The following ANKS6 variants were observed in gnomAD, a reference collection of about 807,000 sequenced individuals.
ANKS6 encodes ankyrin repeat and sterile alpha motif domain containing 6.
ANKS6 carries 47 observed loss-of-function variants against 77.9 expected under a neutral mutation model. The observed-to-expected ratio is 0.60, with a 90% confidence interval of 0.48 to 0.77. The LOEUF is 0.77. ANKS6 is among the 30% of genes least tolerant of loss of function. The pLI is 0.00. For missense variants in ANKS6, 1,150 were observed against 1,159.1 expected, an observed-to-expected ratio of 0.99 and a Z score of 0.11; for synonymous variants, 488 against 501.7, an observed-to-expected ratio of 0.97 and a Z score of 0.37.
chr9:98,784,004 T>C lies in ANKS6; in HGVS notation c.1061A>G (p.Lys354Arg), dbSNP rs778186861. 1.2e-6 allele frequency: 2 copies of C among 1,610,530 alleles called. No individual in the cohort carries two copies. The highest frequency in any genetic ancestry group is 2.2e-5 in the East Asian group (1 of 44,766). The stretch of plus-strand genomic sequence containing the variant: ...CGTCCAGCCATGCACGCTGTCCTGC[T>C]TGTCAACATCCGCGTGCCTCTCCAC... ...LLVERHADVDKQDSVHGWTAL... is the reference protein window; with the variant it reads ...LLVERHADVDRQDSVHGWTAL... The change falls in exon 4 of 15, where the codon AAG (lysine) becomes AGG (arginine). Residue 354 changes from lysine to arginine, a missense_variant. Coordinates refer to ENST00000353234, the MANE Select transcript of ANKS6 (RefSeq NM_173551.5).
chr9:98,765,371 C>T (rs900083099), intron 11 of ANKS6, among the ~76,000 whole-genome samples: 2 of 152,112 alleles, frequency 1.3e-5, no homozygotes, highest in African/African-American at 4.8e-5. Context: ...TCATCTCTAC[C>T]CCTCCCTCTG....
intron 12 of ANKS6, among the ~76,000 whole-genome samples, chr9:98,752,641 C>T (rs7035622): frequency 0.012 from 1,778 of 152,264 alleles, 34 homozygotes; most frequent in African/African-American, 0.041. Context: ...GAGGTAGATC[C>T]TATTACTGTC....
intron 11 of ANKS6, among the ~76,000 whole-genome samples, chr9:98,761,636 A>G (rs1833014333): frequency 1.3e-5 from 2 of 152,128 alleles, no homozygotes; most frequent in African/African-American, 4.8e-5. Context: ...TTCTTGCAAT[A>G]TGGACATCCA....
chr9:98,756,515 T>C lies in ANKS6; in HGVS notation c.2231A>G (p.Lys744Arg), dbSNP rs765852729. Residue 744 changes from lysine (K) to arginine (R), a missense_variant, in exon 12 of 15, where the codon AAA (lysine) becomes AGA (arginine). By Grantham distance (26) the Lys-to-Arg change is conservative (BLOSUM62 2). Transcript: ENST00000353234. ...SPTLTPSPSP[K>R]GHTAESSVSS... ...CACTGAGGACTCTGCAGTGTGCCCT[T>C]TGGGTGAGGGGGAGGGCGTGAGGGT... 1 of 1,610,080 alleles carries C rather than the reference T, an allele frequency of 6.2e-7. No homozygotes were observed. Among genetic ancestry groups the C allele is most frequent in the South Asian group, 1.1e-5 (1 of 90,542 alleles).
intron 13 of ANKS6, among the ~76,000 whole-genome samples, chr9:98,749,496 T>C (rs1035211083): frequency 3.9e-5 from 6 of 152,052 alleles, no homozygotes; most frequent in African/African-American, 1.5e-4. Context: ...CTCTGAACGA[T>C]GAAGGACAGG....
In ANKS6 at chr9:98,791,198, G is replaced by A. The variant is rs1834885696; in HGVS notation, c.360-592C>T. On this transcript the variant is annotated intron_variant, in intron 1 of 14. Transcript: ENST00000353234. The surrounding 1 kb of genome is among the most constrained non-coding windows in gnomAD (Gnocchi z 4.3). Reference sequence around the variant, plus strand: ...CCTGGGAATCTGTCTCTCTGCCTGTGCTCTAATTTCCCCACAGGCAGAGCC... The same window carrying A: ...CCTGGGAATCTGTCTCTCTGCCTGTACTCTAATTTCCCCACAGGCAGAGCC... Among the ~76,000 whole-genome samples, 1 of 152,094 alleles carries A rather than the reference G, an allele frequency of 6.6e-6. No homozygotes were observed. Among genetic ancestry groups the A allele is most frequent in the African/African-American group, 2.4e-5 (1 of 41,400 alleles).
At chr9:98,763,827 A>C (rs1430040801) in intron 11 of ANKS6, among the ~76,000 whole-genome samples, 3 of 152,132 alleles carry the variant, frequency 2.0e-5, no homozygotes, top group Non-Finnish European at 4.4e-5. Flanking sequence ...ATAGTAATAG[A>C]TACATACTAC....
chr9:98,752,252 A>G (rs1832469380), intron 12 of ANKS6, among the ~76,000 whole-genome samples: 1 of 152,248 alleles, frequency 6.6e-6, no homozygotes, highest in African/African-American at 2.4e-5. Flanking sequence ...TATGAGCAGT[A>G]AATGAAGGAG....
At chr9:98,789,398 T>C (rs1355111212) in intron 2 of ANKS6, among the ~76,000 whole-genome samples, 1 of 145,642 alleles carries the variant, frequency 6.9e-6, no homozygotes, top group Non-Finnish European at 1.5e-5. Flanking sequence ...TTTAGACAAC[T>C]CTTTACATGC....
At chr9:98,781,687 G>A (rs1032838076) in intron 5 of ANKS6, among the ~76,000 whole-genome samples, 2 of 152,118 alleles carry the variant, frequency 1.3e-5, no homozygotes, top group East Asian at 1.9e-4. Context: ...GTGCTGTGAC[G>A]AGGAAGGGCA....
chr9:98,737,285 T>G (rs959598586), intron 14 of ANKS6, among the ~76,000 whole-genome samples: 1 of 152,176 alleles, frequency 6.6e-6, no homozygotes, highest in Non-Finnish European at 1.5e-5. Flanking sequence ...GAAGTCAAAC[T>G]GTCGCTGTTT....
chr9:98,776,118 T>C (rs1424712277), intron 8 of ANKS6, among the ~76,000 whole-genome samples: 1 of 152,138 alleles, frequency 6.6e-6, no homozygotes, highest in Non-Finnish European at 1.5e-5. Flanking sequence ...GAAACAAACG[T>C]GAAACCCAGA....
chr9:98,743,137 A>G (rs1200275207), intron 14 of ANKS6, among the ~76,000 whole-genome samples: 1 of 152,034 alleles, frequency 6.6e-6, no homozygotes, highest in African/African-American at 2.4e-5. Flanking sequence ...CTGCCTCCAG[A>G]ACCTTTTCCG....
At position 98,745,602 on chromosome 9, in the gene ANKS6, C is replaced by G. The variant is rs781726910; in HGVS notation, c.2468G>C (p.Arg823Thr). The change falls in exon 14 of 15, where the codon AGG becomes ACG. Residue 823 changes from arginine (R) to threonine (T), a missense_variant. Physicochemically the swap from Arg to Thr is moderately conservative, Grantham distance 71. Transcript: ENST00000353234. ...AGAAATCGCTGCCAGAATCTGCTGC[C>G]TGGACCCATCTGTCTTAATTCCCAG... The part of the protein sequence containing the change: ...KELGIKTDGS[R>T]QQILAAISEL... The G allele has an allele frequency of 6.2e-7, 1 of 1,614,196 alleles. No homozygotes were observed. Among genetic ancestry groups the G allele is most frequent in the Non-Finnish European group, 8.5e-7 (1 of 1,180,036 alleles).
chr9:98,747,270 AT>A (rs1340485884), intron 13 of ANKS6, among the ~76,000 whole-genome samples: 3 of 141,994 alleles, frequency 2.1e-5, no homozygotes, highest in African/African-American at 6.3e-5. Flanking sequence ...CAAGATTAAC[AT>A]TTTTTTTCTT....
intron 1 of ANKS6, 74 bp downstream of exon 1, chr9:98,796,059 G>A: frequency 2.4e-6 from 3 of 1,250,720 alleles, no homozygotes; most frequent in East Asian, 6.4e-5. Flanking sequence ...GGGGCATCCG[G>A]CCGCCGGGGA....
At chr9:98,753,946 T>C (rs1336518511) in intron 12 of ANKS6, among the ~76,000 whole-genome samples, 2 of 152,224 alleles carry the variant, frequency 1.3e-5, no homozygotes, top group African/African-American at 4.8e-5. Flanking sequence ...AGCTTGGGCA[T>C]GTCCTATAAA....
Position 98,736,195 on chromosome 9 carries a change from C to T in ANKS6, c.*324G>A. 1.7e-6 allele frequency: 2 copies of T among 1,180,672 alleles called. No homozygotes were observed. Among genetic ancestry groups the T allele is most frequent in the African/African-American group, 1.6e-5 (1 of 63,588 alleles). 73.1% of individuals were successfully genotyped at this position (1,180,672 alleles called of 1,614,324 possible). A position where few individuals can be genotyped will look rare whatever the true frequency, so the allele number is the denominator to read the frequency against. On this transcript the variant is annotated 3_prime_UTR_variant, in exon 15 of 15. Transcript: ENST00000353234. ...TCTCCATCGTCCCTTTCCCTTGCCGCCAGCCAGAAGCAAACTCTGAGGCTC... is the reference window on the plus strand; with the variant it reads ...TCTCCATCGTCCCTTTCCCTTGCCGTCAGCCAGAAGCAAACTCTGAGGCTC...
chr9:98,756,617 T>C lies in ANKS6; in HGVS notation c.2143-14A>G, dbSNP rs1473077368. The C allele has an allele frequency of 1.0e-5, 15 of 1,498,986 alleles. No individual in the cohort carries two copies. Among genetic ancestry groups the C allele is most frequent in the Non-Finnish European group, 1.2e-5 (14 of 1,126,178 alleles). 92.9% of individuals were successfully genotyped at this position (1,498,986 alleles called of 1,614,324 possible). A position where few individuals can be genotyped will look rare whatever the true frequency, so the allele number is the denominator to read the frequency against. On this transcript the variant is annotated splice_polypyrimidine_tract_variant and intron_variant, in intron 11 of 14. Coordinates refer to ENST00000353234, the MANE Select transcript of ANKS6 (RefSeq NM_173551.5). ...GGTCTCCAATTTCTGCTGAACAGAG[T>C]AAGACAAATACATAAGCCATCACCT...
Sources: gnomAD v4.1 joint callset for allele counts (sites outside exome capture counted in the v4.1 genomes callset) on GRCh38, gnomAD v4.1.1 for gene constraint, Gnocchi (gnomAD v3.1) non-coding constraint, MANE v1.5 for transcripts, NCBI Gene and HGNC (gene_info 2026-07-23, HGNC 2026-07-21) for gene names.